DHX36: variants seen among roughly 807,000 people sequenced by gnomAD.
DHX36 encodes DEAH-box helicase 36.
In DHX36, 50 loss-of-function variants were observed where a neutral mutation model predicts 139.0. The observed-to-expected ratio is 0.36, with a 90% CI of 0.29 to 0.46. The LOEUF is 0.46. Among genes scored for constraint, DHX36 ranks in the 20% least tolerant of loss-of-function variants. The pLI, the probability that DHX36 is intolerant of heterozygous loss-of-function variation, is 1.00. For synonymous variants in DHX36, 425 were observed against 401.9 expected, an observed-to-expected ratio of 1.06 and a Z score of -0.69; for missense variants, 1,024 against 1,211.3, an observed-to-expected ratio of 0.85 and a Z score of 2.29.
intron 15 of DHX36, 113 bp from the exon 16 acceptor site, chr3:154,289,939 C>T (rs544973761): frequency 3.1e-5 from 19 of 618,620 alleles, no homozygotes; most frequent in Admixed American, 1.2e-4. Context: ...TTCTTACATG[C>T]CACATAATAG....
At chr3:154,300,775 C>G in intron 10 of DHX36, 79 bp from the exon 11 acceptor site, 1 of 1,354,204 alleles carries the variant, frequency 7.4e-7, no homozygotes, top group Non-Finnish European at 1.0e-6. Flanking sequence ...AAAATTAACT[C>G]AATCTGCAAA....
At chr3:154,303,469 A>G (rs1372412911) in intron 8 of DHX36, 59 bp from the exon 9 acceptor site, 5 of 1,211,590 alleles carry the variant, frequency 4.1e-6, no homozygotes, top group Non-Finnish European at 5.9e-6. Context: ...AAACATTAAT[A>G]TACTGTAAAT....
intron 18 of DHX36, 21 bp from the exon 19 acceptor site, chr3:154,284,690 C>T: frequency 6.2e-7 from 1 of 1,600,736 alleles, no homozygotes; most frequent in South Asian, 1.1e-5. Context: ...GCAGACATAG[C>T]CAATTTAAAT....
intron 11 of DHX36, among the ~76,000 whole-genome samples, chr3:154,300,224 C>T (rs773866700): frequency 2.0e-5 from 3 of 152,038 alleles, no homozygotes; most frequent in Admixed American, 6.6e-5. Context: ...TGTGTCACCA[C>T]GCCCAGCAAA....
rs866209660 is a variant in DHX36 at position 154,276,284 on chromosome 3, T to C, written c.2914A>G (p.Thr972Ala). The change falls in exon 25 of 25, where the codon ACT becomes GCT. Residue 972 changes from threonine (T) to alanine (A), a missense_variant. Around this residue, in one of 4 missense-constraint regions of DHX36, gnomAD observed 470 missense variants for 616.2 expected, o/e 0.76. Coordinates refer to ENST00000496811, the MANE Select transcript of DHX36 (RefSeq NM_020865.3). ...ESPHPVDWND[T>A]KSRDCAVLSA... ...AGTACTGCACAGTCTCTGGATTTAG[T>C]GTCATTCCAGTCTACAGGATGAGGA... The C allele has an allele frequency of 6.2e-7, 1 of 1,613,894 alleles. No homozygotes were observed. The highest frequency in any genetic ancestry group is 8.5e-7 in the Non-Finnish European group (1 of 1,179,906).
At chr3:154,291,919 G>T (rs1437799565) in intron 15 of DHX36, among the ~76,000 whole-genome samples, 1 of 152,212 alleles carries the variant, frequency 6.6e-6, no homozygotes, top group Admixed American at 6.5e-5. Flanking sequence ...TTAAGACAGA[G>T]ATAGTTTTAC....
At chr3:154,314,288 A>T (rs1231147063) in intron 3 of DHX36, among the ~76,000 whole-genome samples, 1 of 152,242 alleles carries the variant, frequency 6.6e-6, no homozygotes, top group Non-Finnish European at 1.5e-5. Flanking sequence ...CATCAGTAAC[A>T]GTCAATGGAT....
chr3:154,277,562 TA>T, intron 23 of DHX36, 35 bp downstream of exon 23: 1 of 1,562,024 alleles, frequency 6.4e-7, no homozygotes, highest in Non-Finnish European at 8.7e-7. Flanking sequence ...ATGAGACTGA[TA>T]ATCAGATCCT....
intron 17 of DHX36, among the ~76,000 whole-genome samples, chr3:154,285,820 T>TA (rs1017201906): frequency 6.6e-6 from 1 of 151,824 alleles, no homozygotes; most frequent in African/African-American, 2.4e-5. Flanking sequence ...TTTTTTTTTT[T>TA]AAAAGACCTC....
chr3:154,316,872 T>C (rs990467247), intron 1 of DHX36, among the ~76,000 whole-genome samples: 4 of 151,378 alleles, frequency 2.6e-5, no homozygotes, highest in Non-Finnish European at 4.4e-5. Flanking sequence ...ATATAGTAAG[T>C]TGAAAAGTTG....
chr3:154,306,399 C>T (rs567037133), intron 5 of DHX36, 104 bp from the exon 6 acceptor site: 3 of 892,542 alleles, frequency 3.4e-6, no homozygotes, highest in Non-Finnish European at 5.3e-6. Flanking sequence ...CTTCAGATTT[C>T]TAAATGAGTT....
intron 14 of DHX36, 151 bp from the exon 15 acceptor site, chr3:154,292,845 A>T: frequency 7.5e-7 from 1 of 1,330,424 alleles, no homozygotes; most frequent in East Asian, 2.5e-5. Context: ...GATTTTAGCC[A>T]TTCAGGATTT....
chr3:154,295,365 T>A, intron 12 of DHX36, 26 bp from the exon 13 acceptor site: 2 of 1,322,328 alleles, frequency 1.5e-6, no homozygotes, highest in Non-Finnish European at 2.1e-6. Flanking sequence ...AATTAAATTT[T>A]AAGATAAAGA....
Position 154,276,263 on chromosome 3 carries a change from C to T in DHX36, c.2935G>A (p.Val979Ile), listed in dbSNP as rs766309241. The change falls in exon 25 of 25, where the codon GTA (valine) becomes ATA (isoleucine). Residue 979 changes from valine to isoleucine, a missense_variant. Around this residue, in one of 4 missense-constraint regions of DHX36, gnomAD observed 470 missense variants for 616.2 expected, o/e 0.76. Transcript: ENST00000496811. Reference protein sequence around the residue: ...WNDTKSRDCAVLSAIIDLIKT... With the variant: ...WNDTKSRDCAILSAIIDLIKT... ...ATCAAGTCTATAATAGCTGACAGTA[C>T]TGCACAGTCTCTGGATTTAGTGTCA... 6.2e-7 allele frequency: 1 copy of T among 1,613,936 alleles called. No homozygotes were observed. Among genetic ancestry groups the T allele is most frequent in the Non-Finnish European group, 8.5e-7 (1 of 1,179,950 alleles).
intron 4 of DHX36, 88 bp from the exon 5 acceptor site, chr3:154,309,911 C>A: frequency 9.8e-7 from 1 of 1,022,276 alleles, no homozygotes; most frequent in Non-Finnish European, 1.4e-6. Flanking sequence ...CTGAACATAG[C>A]TATTTTTAAC....
At position 154,272,747 on chromosome 3, in the gene DHX36, T is replaced by A. The variant is rs999153476; in HGVS notation, c.*3424A>T. On this transcript the variant is annotated 3_prime_UTR_variant, in exon 25 of 25. Coordinates refer to ENST00000496811, the MANE Select transcript of DHX36 (RefSeq NM_020865.3). ...AAGCAATTAGCATATTAAAAATATA[T>A]AAGTATACATGATCACAATGACTTA... is the stretch of plus-strand genomic sequence containing the variant. The A allele has an allele frequency of 1.3e-5, 2 of 151,956 alleles. No homozygotes were observed. Among genetic ancestry groups the A allele is most frequent in the Non-Finnish European group, 2.9e-5 (2 of 67,992 alleles). 9.4% of individuals were successfully genotyped at this position (151,956 alleles called of 1,614,324 possible). A position where few individuals can be genotyped will look rare whatever the true frequency, so the allele number is the denominator to read the frequency against.
chr3:154,284,046 CTAT>C (rs1299943746), intron 19 of DHX36, among the ~76,000 whole-genome samples: 2 of 152,114 alleles, frequency 1.3e-5, no homozygotes, highest in Non-Finnish European at 2.9e-5. Flanking sequence ...TTACCAAAAA[CTAT>C]TATTTCCCCA....
chr3:154,310,774 T>C (rs1178155873), intron 4 of DHX36, among the ~76,000 whole-genome samples: 3 of 19,644 alleles, frequency 1.5e-4, no homozygotes, highest in African/African-American at 5.5e-4. Flanking sequence ...CAAGACTCCC[T>C]CTCAAAAAAA....
intron 12 of DHX36, among the ~76,000 whole-genome samples, chr3:154,298,652 C>CA (rs1414528377): frequency 7.2e-5 from 11 of 152,012 alleles, no homozygotes; most frequent in African/African-American, 2.7e-4. Context: ...CGTGGTGGCT[C>CA]ATGCCTGTAA....
Sources: allele counts gnomAD v4.1 joint callset (sites outside exome capture counted in the v4.1 genomes callset), GRCh38; gene constraint gnomAD v4.1.1; regional missense constraint gnomAD v4.1.1; transcripts MANE v1.5; gene names NCBI Gene and HGNC (gene_info 2026-07-23, HGNC 2026-07-21).